FARS2: variants seen among roughly 807,000 people sequenced by gnomAD.
The protein encoded by FARS2 is phenylalanine--tRNA ligase, mitochondrial.
Under a neutral mutation model 46.4 loss-of-function variants are expected in FARS2, and 40 were observed. That is an observed-to-expected ratio of 0.86 (90% CI 0.67 to 1.12). FARS2 has a LOEUF of 1.12. Ranked by LOEUF, FARS2 falls within the 50% of genes most tolerant of loss-of-function variation. FARS2 has a pLI of 0.00. For missense variants in FARS2, 513 were observed against 567.9 expected (o/e 0.90, Z 0.98); for synonymous variants, 234 against 214.9 (o/e 1.09, Z -0.78).
intron 4 of FARS2, among the ~76,000 whole-genome samples, chr6:5,446,251 TACAAAGGGAAGTAGCTGATA>T (rs1764184614): frequency 6.6e-6 from 1 of 150,950 alleles, no homozygotes; most frequent in Admixed American, 6.6e-5. Context: ...ATGCCTTCAA[TACAAAGGGAAGTAGCTGATA>T]CTAACATAAG....
intron 1 of FARS2, among the ~76,000 whole-genome samples, chr6:5,297,622 C>T (rs933139381): frequency 6.6e-5 from 10 of 151,600 alleles, no homozygotes; most frequent in East Asian, 5.9e-4. Flanking sequence ...CACTCCAGCC[C>T]GGGCAACAAG....
chr6:5,702,472 T>C (rs1024088829), intron 6 of FARS2, among the ~76,000 whole-genome samples: 2 of 152,260 alleles, frequency 1.3e-5, no homozygotes, highest in African/African-American at 4.8e-5. Context: ...AATATAACTT[T>C]AATTTTTCTT....
chr6:5,442,678 T>C (rs1031562331), intron 4 of FARS2, among the ~76,000 whole-genome samples: 2 of 152,194 alleles, frequency 1.3e-5, no homozygotes, highest in African/African-American at 4.8e-5. Flanking sequence ...TTCTGTCAGA[T>C]TTAGTCCCAC....
At chr6:5,586,249 T>C (rs1773607643) in intron 5 of FARS2, among the ~76,000 whole-genome samples, 1 of 152,178 alleles carries the variant, frequency 6.6e-6, no homozygotes, top group South Asian at 2.1e-4. Flanking sequence ...TCTAGTATTA[T>C]GTTGAATAGA....
chr6:5,512,757 C>CA (rs1174478700), intron 4 of FARS2, among the ~76,000 whole-genome samples: 3 of 151,928 alleles, frequency 2.0e-5, no homozygotes, highest in Admixed American at 6.6e-5. Flanking sequence ...TTCTTTTCAG[C>CA]AAAAAATATG....
intron 5 of FARS2, among the ~76,000 whole-genome samples, chr6:5,611,552 G>T (rs1460954730): frequency 6.6e-6 from 1 of 152,180 alleles, no homozygotes; most frequent in Admixed American, 6.5e-5. Context: ...GATATCCCAT[G>T]TCCGATACCT....
intron 6 of FARS2, among the ~76,000 whole-genome samples, chr6:5,750,340 C>T (rs1179373806): frequency 1.3e-5 from 2 of 152,136 alleles, no homozygotes; most frequent in African/African-American, 4.8e-5. Flanking sequence ...ACCCTTCTCT[C>T]CTCGGACGCA....
chr6:5,659,082 C>T (rs571997739), intron 6 of FARS2, among the ~76,000 whole-genome samples: 2 of 152,244 alleles, frequency 1.3e-5, no homozygotes, highest in South Asian at 4.1e-4. Context: ...ATATGACTTG[C>T]GGTATGGAAG....
intron 3 of FARS2, among the ~76,000 whole-genome samples, chr6:5,422,429 C>T (rs1403261778): frequency 6.6e-6 from 1 of 152,006 alleles, no homozygotes; most frequent in Non-Finnish European, 1.5e-5. Flanking sequence ...AGAACAAGGA[C>T]ACAGACCGTG....
At chr6:5,679,161 G>T (rs1013616325) in intron 6 of FARS2, among the ~76,000 whole-genome samples, 7 of 152,146 alleles carry the variant, frequency 4.6e-5, no homozygotes, top group African/African-American at 1.7e-4. Context: ...ACCTGTTGAA[G>T]GCCAGAAAAC....
At chr6:5,562,879 G>A (rs1210353914) in intron 5 of FARS2, among the ~76,000 whole-genome samples, 1 of 150,150 alleles carries the variant, frequency 6.7e-6, no homozygotes, top group African/African-American at 2.5e-5. Context: ...TCTAGGCTCA[G>A]TGCAACCTCT....
chr6:5,562,826 A>T (rs1438083773), intron 5 of FARS2, among the ~76,000 whole-genome samples: 7 of 133,870 alleles, frequency 5.2e-5, no homozygotes, highest in Non-Finnish European at 1.1e-4. Flanking sequence ...TTTTTTTAAG[A>T]TGGAGTTTCG....
chr6:5,681,487 G>A (rs866024785), intron 6 of FARS2, among the ~76,000 whole-genome samples: 2 of 152,288 alleles, frequency 1.3e-5, no homozygotes, highest in Middle Eastern at 3.4e-3. Context: ...CTTTCTTTAT[G>A]CCTTCCCGTA....
intron 6 of FARS2, among the ~76,000 whole-genome samples, chr6:5,632,836 T>C (rs1310171648): frequency 2.6e-5 from 4 of 152,146 alleles, no homozygotes; most frequent in Non-Finnish European, 5.9e-5. Flanking sequence ...GAGTTCTCTC[T>C]TTTTTGTTCA....
chr6:5,363,151 C>T (rs1013838538), intron 1 of FARS2, among the ~76,000 whole-genome samples: 4 of 152,014 alleles, frequency 2.6e-5, no homozygotes, highest in Non-Finnish European at 4.4e-5. Flanking sequence ...TGGTCTCGTT[C>T]TCCTGCCCTC....
rs552538194 is a variant in FARS2 at position 5,341,257 on chromosome 6, T to TTTTTC, written c.-21-27293_-21-27292insTTTTC. Among the ~76,000 whole-genome samples the TTTTTC allele has an allele frequency of 3.2e-3, 179 of 56,594 alleles. 25 individuals are homozygous for TTTTTC. Among genetic ancestry groups the TTTTTC allele is most frequent in the Middle Eastern group, 8.8e-3 (1 of 114 alleles). 37.1% of individuals were successfully genotyped at this position (56,594 alleles called of 152,430 possible). A position where few individuals can be genotyped will look rare whatever the true frequency, so the allele number is the denominator to read the frequency against. On this transcript the variant is annotated intron_variant, in intron 1 of 6. Coordinates refer to ENST00000274680, the MANE Select transcript of FARS2 (RefSeq NM_006567.5). The stretch of plus-strand genomic sequence containing the variant: ...TATATTTTTTTTTTTTTTTTTTTTT[T>TTTTTC]CCCTGTGAGAGCAGTTGTTTTGAGA...
chr6:5,596,927 G>A (rs7744153), intron 5 of FARS2, among the ~76,000 whole-genome samples: 126,250 of 152,214 alleles, frequency 0.83, 52,533 homozygotes, highest in African/African-American at 0.9. Flanking sequence ...AGAGGTACTT[G>A]ACAATGGCCC....
At chr6:5,492,101 AT>A (rs936009511) in intron 4 of FARS2, among the ~76,000 whole-genome samples, 45 of 152,346 alleles carry the variant, frequency 3.0e-4, no homozygotes, top group African/African-American at 1.0e-3. Flanking sequence ...ATGTGCATAG[AT>A]TTTAAAGCTG....
chr6:5,693,221 G>T (rs116737052), intron 6 of FARS2, among the ~76,000 whole-genome samples: 1 of 152,140 alleles, frequency 6.6e-6, no homozygotes, highest in African/African-American at 2.4e-5. Context: ...ACTGTCACAC[G>T]TTGTCAGCTG....
Sources: allele counts gnomAD v4.1 joint callset (sites outside exome capture counted in the v4.1 genomes callset), GRCh38; gene constraint gnomAD v4.1.1; transcripts MANE v1.5; gene names NCBI Gene and HGNC (gene_info 2026-07-23, HGNC 2026-07-21).